The following MAGI2 variants were observed in gnomAD, a reference collection of about 807,000 sequenced individuals.
MAGI2 encodes the protein membrane-associated guanylate kinase, WW and PDZ domain-containing protein 2.
MAGI2 carries 35 observed loss-of-function variants against 133.3 expected under a neutral mutation model. The ratio of observed to expected loss-of-function variants is 0.26; its 90% CI spans 0.20 to 0.35. MAGI2 has a LOEUF of 0.35. Among genes scored for constraint, MAGI2 ranks in the 10% least tolerant of loss-of-function variants. The probability of loss-of-function intolerance (pLI) is 1.00; values close to 1 mark genes in which losing one functional copy is unlikely to be tolerated. For synonymous variants in MAGI2, 729 were observed against 710.6 expected (o/e 1.03, Z -0.41); for missense variants, 1,636 against 1,863.4 (o/e 0.88, Z 2.25).
At chr7:78,182,889 A>G (rs1827316321) in intron 13 of MAGI2, among the ~76,000 whole-genome samples, 1 of 152,164 alleles carries the variant, frequency 6.6e-6, no homozygotes, top group Non-Finnish European at 1.5e-5. Flanking sequence ...TCTCACTAAT[A>G]TTCTCCTTAG....
chr7:78,481,104 T>C (rs1792323782), intron 6 of MAGI2, among the ~76,000 whole-genome samples: 1 of 151,938 alleles, frequency 6.6e-6, no homozygotes, highest in African/African-American at 2.4e-5. Flanking sequence ...ACCTAAAATA[T>C]CTAAAACAAT....
At position 78,905,098 on chromosome 7, in the gene MAGI2, T is replaced by C. The variant is rs115632765; in HGVS notation, c.418+101992A>G. On this transcript the variant is annotated intron_variant, in intron 2 of 21. Transcript: ENST00000354212. ...TTACATATGCTCTTGCTGACTTCCA[T>C]AATCTTATCCCTAGGCTTACTCTCC... is the stretch of plus-strand genomic sequence containing the variant. 3.5e-3 allele frequency among the ~76,000 whole-genome samples: 536 copies of C among 152,300 alleles called. 5 individuals carry two copies. The highest frequency in any genetic ancestry group is 0.012 in the African/African-American group (516 of 41,566).
intron 21 of MAGI2, among the ~76,000 whole-genome samples, chr7:78,034,190 A>C (rs982727222): frequency 6.6e-6 from 1 of 152,176 alleles, no homozygotes; most frequent in Non-Finnish European, 1.5e-5. Flanking sequence ...TGTTATGACA[A>C]AGTGACATGC....
At chr7:78,318,321 A>C (rs1258753425) in intron 9 of MAGI2, among the ~76,000 whole-genome samples, 1 of 152,236 alleles carries the variant, frequency 6.6e-6, no homozygotes, top group Non-Finnish European at 1.5e-5. Context: ...GAACTTCATG[A>C]AGCAAACACA....
Position 78,057,977 on chromosome 7 carries a change from G to GTGTATATATATATATATATATA in MAGI2, c.3706+20969_3706+20970insTATATATATATATATATATACA, listed in dbSNP as rs762943472. ...CCCCTCTGGCATTTTATATATATGTGTATATATATATATATATATATATAT... is the reference window on the plus strand; with the variant it reads ...CCCCTCTGGCATTTTATATATATGTGTGTATATATATATATATATATATATATATATATATATATATATATAT... On this transcript the variant is annotated intron_variant, in intron 21 of 21. Coordinates refer to ENST00000354212, the MANE Select transcript of MAGI2 (RefSeq NM_012301.4). Among the ~76,000 whole-genome samples, 4 of 106,612 alleles carry GTGTATATATATATATATATATA rather than the reference G, an allele frequency of 3.8e-5. No individual in the cohort carries two copies. In the South Asian group the frequency reaches 9.8e-4, roughly 26 times the overall value. The allele number at this position is 106,612 out of a possible 152,430, so 69.9% of individuals were successfully genotyped here. A position where few individuals can be genotyped will look rare whatever the true frequency, so the allele number is the denominator to read the frequency against.
At chr7:79,174,748 T>G (rs1825942804) in intron 1 of MAGI2, among the ~76,000 whole-genome samples, 1 of 151,810 alleles carries the variant, frequency 6.6e-6, no homozygotes. Flanking sequence ...GGTAGACATT[T>G]TGTAGAAAAA....
At chr7:78,223,952 C>T (rs184971527) in intron 10 of MAGI2, among the ~76,000 whole-genome samples, 1 of 152,296 alleles carries the variant, frequency 6.6e-6, no homozygotes, top group African/African-American at 2.4e-5. Flanking sequence ...TTTAAGCTTA[C>T]CGACTTGGTA....
chr7:79,136,014 A>AG, intron 1 of MAGI2, among the ~76,000 whole-genome samples: 1 of 127,294 alleles, frequency 7.9e-6, no homozygotes, highest in African/African-American at 3.7e-5. Flanking sequence ...AGAAAGAAAG[A>AG]AAGAAAGAAA....
chr7:78,381,023 A>G (rs1024443879), intron 6 of MAGI2, among the ~76,000 whole-genome samples: 5 of 152,150 alleles, frequency 3.3e-5, no homozygotes, highest in African/African-American at 1.2e-4. Context: ...TCAATTTACC[A>G]TAGTAATCTT....
At chr7:79,033,948 A>AT (rs1338322102) in intron 1 of MAGI2, among the ~76,000 whole-genome samples, 14 of 148,916 alleles carry the variant, frequency 9.4e-5, no homozygotes, top group Non-Finnish European at 4.4e-5. Flanking sequence ...AGGAACTTGT[A>AT]TTTTGTATTT....
At chr7:79,205,341 A>G (rs1828951380) in intron 1 of MAGI2, among the ~76,000 whole-genome samples, 1 of 151,940 alleles carries the variant, frequency 6.6e-6, no homozygotes, top group Non-Finnish European at 1.5e-5. Flanking sequence ...AAATTACTGA[A>G]CATCAAATTG....
At chr7:79,133,911 C>T (rs1821155806) in intron 1 of MAGI2, among the ~76,000 whole-genome samples, 1 of 152,138 alleles carries the variant, frequency 6.6e-6, no homozygotes, top group South Asian at 2.1e-4. Context: ...ACTAAAGTGT[C>T]TATCACTTTT....
chr7:78,596,625 T>C (rs319867), intron 3 of MAGI2, among the ~76,000 whole-genome samples: 78,429 of 152,022 alleles, frequency 0.52, 21,230 homozygotes, highest in Non-Finnish European at 0.59. Context: ...AGGTTCTTGG[T>C]GGTGTTAGTT....
rs149426163 is a variant in MAGI2 at position 78,025,027 on chromosome 7, C to T, written c.3707-5051G>A. 6.0e-3 allele frequency among the ~76,000 whole-genome samples: 907 copies of T among 152,318 alleles called. 11 individuals are homozygous for T. The highest frequency in any genetic ancestry group is 0.02 in the African/African-American group (850 of 41,566). ...GAACACTCAATGGATCCCCACTGCT[C>T]TTAGATCAAAATCCAAAATGATTTA... On this transcript the variant is annotated intron_variant, in intron 21 of 21. Transcript: ENST00000354212.
chr7:79,046,191 T>A (rs1430230624), intron 1 of MAGI2, among the ~76,000 whole-genome samples: 1 of 152,182 alleles, frequency 6.6e-6, no homozygotes, highest in African/African-American at 2.4e-5. Flanking sequence ...GACGTCCTAA[T>A]CCCTAGTTTC....
intron 2 of MAGI2, among the ~76,000 whole-genome samples, chr7:78,793,490 T>C (rs1787348186): frequency 6.6e-6 from 1 of 152,146 alleles, no homozygotes; most frequent in Admixed American, 6.6e-5. Flanking sequence ...AGAAATTCTG[T>C]CAATCATGGA....
intron 17 of MAGI2, among the ~76,000 whole-genome samples, chr7:78,133,468 A>G (rs967865554): frequency 6.6e-6 from 1 of 152,204 alleles, no homozygotes; most frequent in African/African-American, 2.4e-5. Flanking sequence ...AAGTGTGGAT[A>G]AGGAATGAAC....
chr7:79,198,353 C>G (rs761964334), intron 1 of MAGI2, among the ~76,000 whole-genome samples: 13 of 151,816 alleles, frequency 8.6e-5, no homozygotes, highest in Non-Finnish European at 1.9e-4. Flanking sequence ...CCTCTCCTGT[C>G]CTTTTTGATA....
intron 7 of MAGI2, among the ~76,000 whole-genome samples, chr7:78,364,843 A>G (rs1793208247): frequency 6.6e-6 from 1 of 152,256 alleles, no homozygotes; most frequent in Admixed American, 6.5e-5. Context: ...TCCTATCTTT[A>G]TGAACAGTGA....
Sources: gnomAD v4.1 joint callset for allele counts (sites outside exome capture counted in the v4.1 genomes callset) on GRCh38, gnomAD v4.1.1 for gene constraint, MANE v1.5 for transcripts, NCBI Gene and HGNC (gene_info 2026-07-23, HGNC 2026-07-21) for gene names.